IL1RAPL1: variants seen among roughly 807,000 people sequenced by gnomAD.
The protein encoded by IL1RAPL1 is interleukin 1 receptor accessory protein like 1.
IL1RAPL1 carries 3 observed loss-of-function variants against 48.4 expected under a neutral mutation model. That is an observed-to-expected ratio of 0.06 (90% CI 0.03 to 0.16). The LOEUF (loss-of-function observed/expected upper bound fraction) is 0.16. Ranked by LOEUF, IL1RAPL1 falls within the 10% of genes least tolerant of loss-of-function variation. The probability of loss-of-function intolerance (pLI) is 1.00; values close to 1 mark genes in which losing one functional copy is unlikely to be tolerated. For synonymous variants in IL1RAPL1, 185 were observed against 187.7 expected (o/e 0.99, Z 0.12); for missense variants, 349 against 530.6 (o/e 0.66, Z 3.36).
intron 5 of IL1RAPL1, among the ~76,000 whole-genome samples, chrX:29,462,114 A>G (rs556129948): frequency 5.4e-5 from 6 of 111,681 alleles, no homozygotes; most frequent in African/African-American, 1.6e-4. Flanking sequence ...TCTAAAATAT[A>G]AAACTGGCAC....
At chrX:29,034,455 C>T (rs897947901) in intron 2 of IL1RAPL1, among the ~76,000 whole-genome samples, 1 of 111,841 alleles carries the variant, frequency 8.9e-6, no homozygotes, top group East Asian at 2.8e-4. Context: ...CTTAAGCTTT[C>T]GACCACTGAG....
chrX:29,109,197 T>G (rs1394773288), intron 2 of IL1RAPL1, among the ~76,000 whole-genome samples: 1 of 110,087 alleles, frequency 9.1e-6, no homozygotes, highest in Non-Finnish European at 1.9e-5. Context: ...AAGGATGGAG[T>G]CAGGCTTTTT....
intron 2 of IL1RAPL1, among the ~76,000 whole-genome samples, chrX:28,865,358 GA>G (rs1394137782): frequency 1.8e-5 from 2 of 109,355 alleles, no homozygotes; most frequent in Non-Finnish European, 1.9e-5. Context: ...AGAATCACTT[GA>G]ACCTGGGAGG....
At chrX:29,518,059 T>C (rs16988630) in intron 5 of IL1RAPL1, among the ~76,000 whole-genome samples, 4,530 of 109,067 alleles carry the variant, frequency 0.042, 251 homozygotes, top group African/African-American at 0.15. Flanking sequence ...TCTTCATTCA[T>C]GCATTAATTC....
At chrX:29,316,357 C>T (rs764303595) in intron 3 of IL1RAPL1, among the ~76,000 whole-genome samples, 22 of 111,747 alleles carry the variant, frequency 2.0e-4, no homozygotes, top group African/African-American at 6.5e-4. Context: ...ATCCAAACTT[C>T]CCTCTTTCCT....
At chrX:29,517,158 T>G (rs931889279) in intron 5 of IL1RAPL1, among the ~76,000 whole-genome samples, 6 of 111,115 alleles carry the variant, frequency 5.4e-5, no homozygotes, top group African/African-American at 2.0e-4. Context: ...TTGGAAAGCT[T>G]TTTGAATTTT....
At chrX:28,832,807 T>A (rs1921098569) in intron 2 of IL1RAPL1, among the ~76,000 whole-genome samples, 1 of 98,571 alleles carries the variant, frequency 1.0e-5, no homozygotes, top group African/African-American at 3.8e-5. Context: ...TCTGTTAAAT[T>A]TCTTATTTTT....
chrX:29,328,854 C>T (rs147910009), intron 3 of IL1RAPL1, among the ~76,000 whole-genome samples: 1,530 of 110,345 alleles, frequency 0.014, 23 homozygotes, highest in African/African-American at 0.048. Flanking sequence ...CTCTTAAAGT[C>T]GTATGCTTTT....
At chrX:29,655,165 T>C (rs774279020) in intron 5 of IL1RAPL1, among the ~76,000 whole-genome samples, 2 of 111,728 alleles carry the variant, frequency 1.8e-5, no homozygotes, top group Non-Finnish European at 3.8e-5. Context: ...AGATCAAACC[T>C]CTTCAAATCC....
intron 6 of IL1RAPL1, among the ~76,000 whole-genome samples, chrX:29,736,739 T>A (rs775515430): frequency 2.0e-4 from 22 of 112,200 alleles, no homozygotes; most frequent in Non-Finnish European, 3.8e-4. Flanking sequence ...AAAGAACTTG[T>A]TTGTGACTGG....
chrX:29,188,047 G>A (rs1283978827), intron 2 of IL1RAPL1, among the ~76,000 whole-genome samples: 2 of 111,864 alleles, frequency 1.8e-5, no homozygotes, highest in African/African-American at 6.5e-5. Context: ...AAAAGTAAGA[G>A]CTAAGTAAGC....
intron 6 of IL1RAPL1, among the ~76,000 whole-genome samples, chrX:29,806,908 C>G (rs1371986626): frequency 9.1e-6 from 1 of 110,082 alleles, no homozygotes; most frequent in Non-Finnish European, 1.9e-5. Flanking sequence ...GTGGCACCTC[C>G]TCCTGCACTT....
chrX:29,862,635 G>A (rs1302026851), intron 6 of IL1RAPL1, among the ~76,000 whole-genome samples: 1 of 111,191 alleles, frequency 9.0e-6, no homozygotes, highest in Non-Finnish European at 1.9e-5. Context: ...AAACAAAAAC[G>A]CAGCCTAATT....
intron 2 of IL1RAPL1, among the ~76,000 whole-genome samples, chrX:28,985,737 A>AC (rs1271745508): frequency 2.0e-5 from 2 of 99,934 alleles, no homozygotes; most frequent in African/African-American, 7.7e-5. Flanking sequence ...TCGGCTCACT[A>AC]CAAGCTCCGC....
chrX:29,933,660 A>C lies in IL1RAPL1; in HGVS notation c.1058-7991A>C, dbSNP rs773002071. ...TGAAAGATATAGACAAAATAGACAA[A>C]AAAAAAAAAAAAAGAGAGAGAAGAC... On this transcript the variant is annotated intron_variant, in intron 8 of 10. Coordinates refer to ENST00000378993, the MANE Select transcript of IL1RAPL1 (RefSeq NM_014271.4). 2.7e-3 allele frequency among the ~76,000 whole-genome samples: 297 copies of C among 108,820 alleles called. 1 individual carries two copies. The highest frequency in any genetic ancestry group is 5.0e-3 in the Non-Finnish European group (264 of 52,319). The allele number at this position is 108,820 out of a possible 115,157, so 94.5% of individuals were successfully genotyped here.
chrX:29,380,619 C>G (rs1233237573), intron 3 of IL1RAPL1, among the ~76,000 whole-genome samples: 1 of 112,261 alleles, frequency 8.9e-6, no homozygotes, highest in Non-Finnish European at 1.9e-5. Context: ...TTTCTCACCA[C>G]TGGCCTATAG....
chrX:29,346,834 A>G (rs766958224), intron 3 of IL1RAPL1, among the ~76,000 whole-genome samples: 1 of 112,393 alleles, frequency 8.9e-6, no homozygotes, highest in East Asian at 2.8e-4. Flanking sequence ...GGTGGTGAAG[A>G]TTGTGTATGG....
intron 5 of IL1RAPL1, among the ~76,000 whole-genome samples, chrX:29,651,350 C>T (rs1411008574): frequency 3.6e-5 from 4 of 110,647 alleles, no homozygotes; most frequent in Non-Finnish European, 7.6e-5. Context: ...TTCACCATAG[C>T]CAAAGTATGG....
chrX:28,806,988 T>TG (rs1936740685), intron 2 of IL1RAPL1, among the ~76,000 whole-genome samples: 1 of 111,220 alleles, frequency 9.0e-6, no homozygotes, highest in Non-Finnish European at 1.9e-5. Flanking sequence ...CTAGCTCTAA[T>TG]TGTCTGAGAT....
Sources: gnomAD v4.1 joint callset for allele counts (sites outside exome capture counted in the v4.1 genomes callset) on GRCh38, gnomAD v4.1.1 for gene constraint, MANE v1.5 for transcripts, NCBI Gene and HGNC (gene_info 2026-07-23, HGNC 2026-07-21) for gene names.